ELMO1: variants seen among roughly 807,000 people sequenced by gnomAD.
ELMO1 encodes the protein engulfment and cell motility protein 1.
Under a neutral mutation model 98.9 loss-of-function variants are expected in ELMO1, and 26 were observed. That is an observed-to-expected ratio of 0.26 (90% CI 0.19 to 0.36). The LOEUF (loss-of-function observed/expected upper bound fraction) is 0.36, where lower values mean the gene tolerates loss of function less well. Ranked by LOEUF, ELMO1 falls within the 10% of genes least tolerant of loss-of-function variation. ELMO1 has a pLI of 1.00. For synonymous variants in ELMO1, 346 were observed against 346.0 expected (o/e 1.00, Z 0.00); for missense variants, 627 against 935.2 (o/e 0.67, Z 4.30).
chr7:36,895,377 G>A (rs908314285), intron 16 of ELMO1, among the ~76,000 whole-genome samples: 27 of 152,138 alleles, frequency 1.8e-4, no homozygotes, highest in African/African-American at 6.5e-4. Context: ...AGCAGCTAAA[G>A]CCCTGCATAG....
chr7:37,239,454 C>T (rs548366600), intron 7 of ELMO1, among the ~76,000 whole-genome samples: 7 of 152,254 alleles, frequency 4.6e-5, no homozygotes, highest in African/African-American at 7.2e-5. Context: ...CGTGAGCCAC[C>T]GCGCCCAGCC....
At chr7:36,995,464 C>T (rs1003114823) in intron 16 of ELMO1, among the ~76,000 whole-genome samples, 4 of 151,386 alleles carry the variant, frequency 2.6e-5, no homozygotes, top group Admixed American at 1.3e-4. Flanking sequence ...GCCAAGATCA[C>T]GCCACTGCAC....
intron 15 of ELMO1, among the ~76,000 whole-genome samples, chr7:37,072,351 C>T (rs148861891): frequency 3.3e-5 from 5 of 152,222 alleles, no homozygotes; most frequent in Admixed American, 6.5e-5. Context: ...CTCATAAGAT[C>T]GGCTGGTTTT....
intron 2 of ELMO1, among the ~76,000 whole-genome samples, chr7:37,331,333 C>CTTTTTTTTTTTTTTTTTTTTTTTTT (rs776303689): frequency 1.4e-4 from 4 of 28,736 alleles, no homozygotes; most frequent in African/African-American, 2.2e-4. Flanking sequence ...CCACGCCTGG[C>CTTTTTTTTTTTTTTTTTTTTTTTTT]TTTTTTTTTT....
intron 16 of ELMO1, among the ~76,000 whole-genome samples, chr7:36,999,581 TAAAG>T (rs1304103320): frequency 6.6e-6 from 1 of 152,130 alleles, no homozygotes; most frequent in Admixed American, 6.5e-5. Context: ...GATCACAGAA[TAAAG>T]AAAGAGAAAT....
intron 6 of ELMO1, among the ~76,000 whole-genome samples, chr7:37,245,903 A>G (rs1794981651): frequency 6.6e-6 from 1 of 152,226 alleles, no homozygotes; most frequent in Admixed American, 6.5e-5. Context: ...ATCAATAATA[A>G]TAGTGATAGA....
chr7:36,884,416 T>C (rs797018909), intron 18 of ELMO1, among the ~76,000 whole-genome samples: 4 of 152,190 alleles, frequency 2.6e-5, no homozygotes, highest in South Asian at 4.1e-4. Context: ...CAAAGTGCTA[T>C]AGATGTATAA....
chr7:37,422,817 A>G (rs1276166657), intron 1 of ELMO1, among the ~76,000 whole-genome samples: 1 of 152,238 alleles, frequency 6.6e-6, no homozygotes, highest in Admixed American at 6.5e-5. Flanking sequence ...ATACCTCCAA[A>G]GGCCATTTCA....
chr7:36,910,224 A>G (rs1246080355), intron 16 of ELMO1, among the ~76,000 whole-genome samples: 1 of 152,242 alleles, frequency 6.6e-6, no homozygotes, highest in Admixed American at 6.5e-5. Flanking sequence ...TAAGTGGCTT[A>G]CTCAAAATCA....
At chr7:37,221,633 T>TCTA (rs1344966724) in intron 10 of ELMO1, among the ~76,000 whole-genome samples, 1 of 152,226 alleles carries the variant, frequency 6.6e-6, no homozygotes, top group Admixed American at 6.5e-5. Context: ...AAATAAAGGA[T>TCTA]CTACAGACAA....
intron 1 of ELMO1, among the ~76,000 whole-genome samples, chr7:37,413,874 T>C (rs1249891291): frequency 6.6e-6 from 1 of 152,082 alleles, no homozygotes; most frequent in Non-Finnish European, 1.5e-5. Flanking sequence ...GATGGGGTTT[T>C]GTCACGTTGC....
At chr7:37,279,283 C>T (rs1388943564) in intron 4 of ELMO1, among the ~76,000 whole-genome samples, 1 of 152,150 alleles carries the variant, frequency 6.6e-6, no homozygotes, top group African/African-American at 2.4e-5. Flanking sequence ...AATGGGGAGA[C>T]GTGGCTCTAA....
chr7:37,448,214 CTCTAGCTCTATAGGAA>C (rs1301038645), intron 1 of ELMO1, among the ~76,000 whole-genome samples: 1 of 152,082 alleles, frequency 6.6e-6, no homozygotes, highest in Non-Finnish European at 1.5e-5. Context: ...GCAGCCGCTT[CTCTAGCTCTATAGGAA>C]TCTTGACTCC....
intron 15 of ELMO1, among the ~76,000 whole-genome samples, chr7:37,054,549 G>A (rs896700211): frequency 2.6e-5 from 4 of 152,136 alleles, no homozygotes; most frequent in Non-Finnish European, 2.9e-5. Context: ...TAGGTGAAAT[G>A]TACTAATGTT....
chr7:36,864,217 A>T (rs543262737), intron 20 of ELMO1, among the ~76,000 whole-genome samples: 1 of 152,318 alleles, frequency 6.6e-6, no homozygotes, highest in East Asian at 1.9e-4. Flanking sequence ...GTCACTTGAG[A>T]CCACAGTGTC....
chr7:37,279,860 C>T lies in ELMO1; in HGVS notation c.193-7978G>A, dbSNP rs191172213. On this transcript the variant is annotated intron_variant, in intron 4 of 21. Transcript: ENST00000310758. ...CATGGGAGCTGGGTGAAGCCTGTCA[C>T]GGCCGGCCTTCCCCCACTTCCCTGA... is the stretch of plus-strand genomic sequence containing the variant. Among the ~76,000 whole-genome samples the T allele has an allele frequency of 1.3e-3, 201 of 152,284 alleles. 1 individual carries two copies. The highest frequency in any genetic ancestry group is 4.6e-3 in the African/African-American group (193 of 41,564).
intron 1 of ELMO1, among the ~76,000 whole-genome samples, chr7:37,401,727 G>C (rs1374552283): frequency 6.6e-6 from 1 of 152,174 alleles, no homozygotes; most frequent in Non-Finnish European, 1.5e-5. Context: ...GAGGGTAACT[G>C]CCACCATGAT....
intron 15 of ELMO1, among the ~76,000 whole-genome samples, chr7:37,074,685 C>T (rs1161567083): frequency 1.3e-5 from 2 of 152,096 alleles, no homozygotes; most frequent in Non-Finnish European, 2.9e-5. Context: ...GTGGTGGTGG[C>T]AATAACCCGG....
At chr7:37,219,328 G>C (rs1793468970) in intron 10 of ELMO1, among the ~76,000 whole-genome samples, 1 of 152,148 alleles carries the variant, frequency 6.6e-6, no homozygotes, top group Admixed American at 6.5e-5. Flanking sequence ...AGGTATAAGT[G>C]TTTAAAAGCA....
Sources: gnomAD v4.1 joint callset for allele counts (sites outside exome capture counted in the v4.1 genomes callset) on GRCh38, gnomAD v4.1.1 for gene constraint, MANE v1.5 for transcripts, NCBI Gene and HGNC (gene_info 2026-07-23, HGNC 2026-07-21) for gene names.